Variants in GPR35 observed in about 807,000 individuals in gnomAD.
The protein encoded by GPR35 is KYNA receptor.
For missense variants in GPR35, 372 were observed against 422.5 expected, an observed-to-expected ratio of 0.88 and a Z score of 1.05; for synonymous variants, 207 against 198.4, an observed-to-expected ratio of 1.04 and a Z score of -0.36.
chr2:240,622,876 C>T (rs138248097), upstream of GPR35, among the ~76,000 whole-genome samples: 1,871 of 152,318 alleles, frequency 0.012, 32 homozygotes, highest in South Asian at 0.079. Context: ...GCAGTGCCCC[C>T]GTGCCCACAG....
intron 5 of GPR35, among the ~76,000 whole-genome samples, chr2:240,620,364 G>A (rs936408037): frequency 6.6e-6 from 1 of 152,180 alleles, no homozygotes; most frequent in South Asian, 2.1e-4. Context: ...GGTGGGGCAG[G>A]AGTTCCAAGG....
chr2:240,624,235 T>A (rs2975780), upstream of GPR35, among the ~76,000 whole-genome samples: 72,078 of 151,756 alleles, frequency 0.47, 19,105 homozygotes, highest in South Asian at 0.78. Context: ...ATGGATGAAA[T>A]CCCAAATCTG....
At chr2:240,616,635 A>G in intron 3 of GPR35, 2 of 674,826 alleles carry the variant, frequency 3.0e-6, no homozygotes, top group Admixed American at 4.3e-5. Context: ...CGAATGTGGC[A>G]GGAAGCTGCC....
upstream of GPR35, among the ~76,000 whole-genome samples, chr2:240,625,067 C>G (rs2043353194): frequency 6.6e-6 from 1 of 152,144 alleles, no homozygotes; most frequent in Admixed American, 6.5e-5. Flanking sequence ...GTGCTGCACC[C>G]TGTCTTGGGG....
chr2:240,630,380 T>C lies in GPR35; in HGVS notation c.428T>C (p.Leu143Pro). ...GCCGTGTGCGCGGTCCTCTGGGTGCTGGTCATCGGCTCCCTGGTGGCTCGC... is the reference window on the plus strand; with the variant it reads ...GCCGTGTGCGCGGTCCTCTGGGTGCCGGTCATCGGCTCCCTGGTGGCTCGC... ...AAAVCAVLWV[L>P]VIGSLVARWL... is the part of the protein sequence containing the mutation. The change falls in exon 2 of 2, where the codon CTG (leucine) becomes CCG (proline). Residue 143 changes from leucine to proline, a missense_variant. Transcript: ENST00000407714. 3 of 1,610,482 alleles carry C rather than the reference T, an allele frequency of 1.9e-6. No homozygotes were observed. The highest frequency in any genetic ancestry group is 2.5e-6 in the Non-Finnish European group (3 of 1,179,864).
At chr2:240,626,768 C>T (rs905316792) in intron 1 of GPR35, among the ~76,000 whole-genome samples, 6 of 152,062 alleles carry the variant, frequency 3.9e-5, no homozygotes, top group Non-Finnish European at 2.9e-5. Flanking sequence ...CACCTCACTG[C>T]GTGCCCCCAC....
intron 5 of GPR35, among the ~76,000 whole-genome samples, chr2:240,619,511 C>T (rs1031447395): frequency 2.0e-5 from 3 of 152,186 alleles, no homozygotes; most frequent in Non-Finnish European, 4.4e-5. Flanking sequence ...GCCTCAGTGG[C>T]TCCTGGGCGT....
intron 3 of GPR35, chr2:240,617,004 A>T: frequency 1.3e-6 from 1 of 755,968 alleles, no homozygotes; most frequent in South Asian, 1.4e-5. Context: ...AGTGAATCTC[A>T]TCTTAGCTGA....
intron 1 of GPR35, 146 bp from the exon 2 acceptor site, chr2:240,629,803 C>T (rs2043418458): frequency 6.0e-6 from 4 of 665,684 alleles, no homozygotes; most frequent in Non-Finnish European, 7.7e-6. Flanking sequence ...GGCACCCATG[C>T]TTTCTTTGAG....
Position 240,630,394 on chromosome 2 carries a change from C to T in GPR35, c.442C>T (p.Leu148=). 6.2e-7 allele frequency: 1 copy of T among 1,611,676 alleles called. No individual in the cohort carries two copies. Among genetic ancestry groups the T allele is most frequent in the Non-Finnish European group, 8.5e-7 (1 of 1,179,868 alleles). The change falls in exon 2 of 2, where the codon CTG becomes TTG. Residue 148 remains leucine (L), a synonymous_variant. Transcript: ENST00000407714. ...CCTCTGGGTGCTGGTCATCGGCTCCCTGGTGGCTCGCTGGCTCCTGGGGAT... is the reference window on the plus strand; with the variant it reads ...CCTCTGGGTGCTGGTCATCGGCTCCTTGGTGGCTCGCTGGCTCCTGGGGAT... The part of the protein sequence containing the change: ...AVLWVLVIGS[L]VARWLLGIQE...
At chr2:240,623,904 G>A (rs560388589), upstream of GPR35, among the ~76,000 whole-genome samples, 109 of 152,112 alleles carry the variant, frequency 7.2e-4, no homozygotes, top group African/African-American at 1.9e-3. Flanking sequence ...GCCAGGCCAC[G>A]TCAGGGAGGC....
At chr2:240,623,587 G>A (rs1330123415), upstream of GPR35, among the ~76,000 whole-genome samples, 1 of 151,934 alleles carries the variant, frequency 6.6e-6, no homozygotes, top group Non-Finnish European at 1.5e-5. Flanking sequence ...GCTCTGGAGG[G>A]GCCCGGGCAA....
Position 240,631,156 on chromosome 2 carries a change from T to C in GPR35, c.*274T>C. ...CACACTTGCCACCCCCAGAACCAGC[T>C]CACCTGGCCAGAGTGGGTTCCTGCT... On this transcript the variant is annotated 3_prime_UTR_variant, in exon 2 of 2. Transcript: ENST00000407714. 1 of 507,106 alleles carries C rather than the reference T, an allele frequency of 2.0e-6. No homozygotes were observed. The highest frequency in any genetic ancestry group is 3.7e-6 in the Non-Finnish European group (1 of 273,704). 31.4% of individuals were successfully genotyped at this position (507,106 alleles called of 1,614,324 possible). A position where few individuals can be genotyped will look rare whatever the true frequency, so the allele number is the denominator to read the frequency against.
chr2:240,613,709 G>A (rs1050126786), intron 2 of GPR35, among the ~76,000 whole-genome samples: 5 of 148,776 alleles, frequency 3.4e-5, no homozygotes, highest in Admixed American at 1.3e-4. Flanking sequence ...ACCCTATTCC[G>A]AACCTTAAAG....
In GPR35 at chr2:240,611,188, G is replaced by A. The variant is rs190337360; in HGVS notation, c.-577+4576G>A. Among the ~76,000 whole-genome samples the A allele has an allele frequency of 2.5e-4, 38 of 151,526 alleles. No homozygotes were observed. In the East Asian group the frequency reaches 3.7e-3, roughly 15 times the overall value. ...TCCCTATGTTGGTTAGGCTGGTCTC[G>A]AACTCCTGACCCCAAATGATCCACC... On this transcript the variant is annotated intron_variant, in intron 2 of 5. Coordinates refer to the GPR35 transcript ENST00000319838.
intron 2 of GPR35, among the ~76,000 whole-genome samples, chr2:240,612,901 G>C (rs539977417): frequency 6.6e-6 from 1 of 152,324 alleles, no homozygotes; most frequent in East Asian, 1.9e-4. Context: ...TCTGCGATTG[G>C]AGCTGTGCTC....
In GPR35 at chr2:240,631,275, T is replaced by A. The variant is rs1245108597; in HGVS notation, c.*393T>A. The A allele has an allele frequency of 4.2e-6, 1 of 240,876 alleles. No individual in the cohort carries two copies. Among genetic ancestry groups the A allele is most frequent in the Non-Finnish European group, 8.7e-6 (1 of 114,482 alleles). The allele number at this position is 240,876 out of a possible 1,614,324, so 14.9% of individuals were successfully genotyped here. A position where few individuals can be genotyped will look rare whatever the true frequency, so the allele number is the denominator to read the frequency against. Reference sequence around the variant, plus strand: ...GTCAGTCCTAGTGGGGCCCTCTGTGTTTCGCACTCGTGTGGTGGGAGGCAG... The same window carrying A: ...GTCAGTCCTAGTGGGGCCCTCTGTGATTCGCACTCGTGTGGTGGGAGGCAG... On this transcript the variant is annotated 3_prime_UTR_variant, in exon 2 of 2. Coordinates refer to ENST00000407714, the MANE Select transcript of GPR35 (RefSeq NM_005301.5).
In GPR35 at chr2:240,630,932, G is replaced by T; in HGVS notation, c.*50G>T. 6.7e-7 allele frequency: 1 copy of T among 1,493,428 alleles called. No homozygotes were observed. The highest frequency in any genetic ancestry group is 9.2e-7 in the Non-Finnish European group (1 of 1,087,800). The allele number at this position is 1,493,428 out of a possible 1,614,324, so 92.5% of individuals were successfully genotyped here. Reference sequence around the variant, plus strand: ...CCAGGTCTCGGGGGCTCCGGGAGGTGCTGCCTGCCAGGGGAAGCTGGAACC... The same window carrying T: ...CCAGGTCTCGGGGGCTCCGGGAGGTTCTGCCTGCCAGGGGAAGCTGGAACC... On this transcript the variant is annotated 3_prime_UTR_variant, in exon 2 of 2. Transcript: ENST00000407714.
At position 240,631,318 on chromosome 2, in the gene GPR35, C is replaced by T. The variant is rs944836371; in HGVS notation, c.*436C>T. On this transcript the variant is annotated 3_prime_UTR_variant, in exon 2 of 2. Coordinates refer to ENST00000407714, the MANE Select transcript of GPR35 (RefSeq NM_005301.5). Reference sequence around the variant, plus strand: ...GGAGGCAGGGAGGGAGCGCGTGGCTCAGAGGGCTGGCGGACATCTTCCAGG... The same window carrying T: ...GGAGGCAGGGAGGGAGCGCGTGGCTTAGAGGGCTGGCGGACATCTTCCAGG... 4.7e-5 allele frequency: 10 copies of T among 213,992 alleles called. No homozygotes were observed. Among genetic ancestry groups the T allele is most frequent in the Non-Finnish European group, 1.0e-4 (10 of 97,500 alleles). 13.3% of individuals were successfully genotyped at this position (213,992 alleles called of 1,614,324 possible).
Sources: gnomAD v4.1 joint callset for allele counts (sites outside exome capture counted in the v4.1 genomes callset) on GRCh38, gnomAD v4.1.1 for gene constraint, MANE v1.5 for transcripts, NCBI Gene and HGNC (gene_info 2026-07-23, HGNC 2026-07-21) for gene names.